PTPRD: variants seen among roughly 807,000 people sequenced by gnomAD.
The protein encoded by PTPRD is protein tyrosine phosphatase receptor type D.
In PTPRD, 34 loss-of-function variants were observed where a neutral mutation model predicts 214.5. The ratio of observed to expected loss-of-function variants is 0.16; its 90% confidence interval spans 0.12 to 0.21. The LOEUF (loss-of-function observed/expected upper bound fraction) is 0.21, where lower values mean the gene tolerates loss of function less well. Among genes scored for constraint, PTPRD ranks in the 10% least tolerant of loss-of-function variants. The probability of loss-of-function intolerance (pLI) is 1.00; values close to 1 mark genes in which losing one functional copy is unlikely to be tolerated. For synonymous variants in PTPRD, 1,128 were observed against 845.7 expected (o/e 1.33, Z -5.79); for missense variants, 2,545 against 2,398.7 (o/e 1.06, Z -1.27).
chr9:9,363,142 T>C (rs1002033417), intron 9 of PTPRD, among the ~76,000 whole-genome samples: 10 of 147,250 alleles, frequency 6.8e-5, no homozygotes, highest in African/African-American at 2.2e-4. Context: ...ACTGTACTTG[T>C]GGTCACATTA....
chr9:9,225,109 A>C (rs994625905), intron 9 of PTPRD, among the ~76,000 whole-genome samples: 1 of 152,040 alleles, frequency 6.6e-6, no homozygotes, highest in African/African-American at 2.4e-5. Flanking sequence ...GATTAATATA[A>C]TGAAACTTCT....
At chr9:10,221,725 C>G (rs2099571765) in intron 3 of PTPRD, among the ~76,000 whole-genome samples, 1 of 151,790 alleles carries the variant, frequency 6.6e-6, no homozygotes, top group South Asian at 2.1e-4. Context: ...TTGTTTCTCA[C>G]TTTTACAAAG....
intron 14 of PTPRD, among the ~76,000 whole-genome samples, chr9:8,592,214 G>C (rs376806232): frequency 1.3e-5 from 2 of 152,228 alleles, no homozygotes; most frequent in African/African-American, 4.8e-5. Flanking sequence ...CCTCCTTCTA[G>C]CTCTTCTTAA....
intron 4 of PTPRD, among the ~76,000 whole-genome samples, chr9:9,940,238 C>T (rs111604867): frequency 1.1e-4 from 17 of 152,076 alleles, no homozygotes; most frequent in African/African-American, 2.7e-4. Flanking sequence ...TCACAGGTAG[C>T]GTAAGATGGC....
chr9:8,352,221 G>C (rs186971606), intron 39 of PTPRD, among the ~76,000 whole-genome samples: 4 of 152,014 alleles, frequency 2.6e-5, no homozygotes, highest in African/African-American at 9.7e-5. Context: ...AAATTAGAAG[G>C]CTAATGTGTT....
At chr9:10,268,319 ACG>A (rs1305846536) in intron 3 of PTPRD, among the ~76,000 whole-genome samples, 70 of 141,012 alleles carry the variant, frequency 5.0e-4, no homozygotes, top group African/African-American at 1.6e-3. Flanking sequence ...AATAATAATA[ACG>A]ATAATAATAA....
chr9:9,381,163 C>A (rs2062107363), intron 9 of PTPRD, among the ~76,000 whole-genome samples: 1 of 151,910 alleles, frequency 6.6e-6, no homozygotes, highest in Non-Finnish European at 1.5e-5. Context: ...TTAATTTGTG[C>A]ACTTAGACCA....
chr9:9,121,227 A>T (rs2099817302), intron 10 of PTPRD, among the ~76,000 whole-genome samples: 2 of 152,202 alleles, frequency 1.3e-5, no homozygotes, highest in Non-Finnish European at 2.9e-5. Flanking sequence ...CCATTCTTGT[A>T]ATGTAAACTA....
chr9:8,514,258 G>C (rs1358585905), intron 21 of PTPRD, among the ~76,000 whole-genome samples: 1 of 152,034 alleles, frequency 6.6e-6, no homozygotes, highest in Non-Finnish European at 1.5e-5. Flanking sequence ...TTTTCATTTA[G>C]CATTCTAAAT....
chr9:9,838,339 G>A (rs1219955037), intron 5 of PTPRD, among the ~76,000 whole-genome samples: 1 of 151,830 alleles, frequency 6.6e-6, no homozygotes, highest in African/African-American at 2.4e-5. Context: ...CTGAGGAATC[G>A]CCACACTGAC....
chr9:10,260,431 A>T (rs1192570295), intron 3 of PTPRD, among the ~76,000 whole-genome samples: 1 of 152,194 alleles, frequency 6.6e-6, no homozygotes, highest in Non-Finnish European at 1.5e-5. Context: ...ACAGATACAG[A>T]GTTTCCCATA....
chr9:8,686,878 T>C (rs1326253183), intron 12 of PTPRD, among the ~76,000 whole-genome samples: 3 of 152,170 alleles, frequency 2.0e-5, no homozygotes, highest in Admixed American at 2.0e-4. Context: ...TTATATTCTC[T>C]CAAGTAAGAG....
intron 12 of PTPRD, among the ~76,000 whole-genome samples, chr9:8,680,607 T>G (rs957264956): frequency 1.3e-5 from 2 of 152,186 alleles, no homozygotes; most frequent in African/African-American, 4.8e-5. Context: ...ATCTATATAC[T>G]ATATATGATA....
intron 12 of PTPRD, among the ~76,000 whole-genome samples, chr9:8,707,506 CAA>C (rs1446389030): frequency 6.6e-6 from 1 of 152,190 alleles, no homozygotes; most frequent in Non-Finnish European, 1.5e-5. Flanking sequence ...GTTCTTGGGA[CAA>C]AGTGTTCCTT....
chr9:9,571,691 A>G (rs2086462441), intron 8 of PTPRD, among the ~76,000 whole-genome samples: 1 of 151,058 alleles, frequency 6.6e-6, no homozygotes, highest in African/African-American at 2.4e-5. Flanking sequence ...TAATTGTTGC[A>G]TGAAACTTAT....
intron 8 of PTPRD, among the ~76,000 whole-genome samples, chr9:9,409,795 T>C (rs1217230229): frequency 1.3e-5 from 2 of 152,154 alleles, no homozygotes; most frequent in African/African-American, 4.8e-5. Context: ...AGTATCTCAA[T>C]GATTTTAATC....
intron 5 of PTPRD, among the ~76,000 whole-genome samples, chr9:9,848,801 T>G (rs1323043864): frequency 6.6e-6 from 1 of 152,102 alleles, no homozygotes. Context: ...TTCCCTTTCT[T>G]GTAAGAAAAA....
intron 3 of PTPRD, among the ~76,000 whole-genome samples, chr9:10,271,595 T>A (rs1317530070): frequency 7.0e-6 from 1 of 142,408 alleles, no homozygotes; most frequent in Non-Finnish European, 1.5e-5. Context: ...CAGACCAGAG[T>A]GCGGTGGAAT....
intron 5 of PTPRD, among the ~76,000 whole-genome samples, chr9:9,932,189 C>T (rs986987710): frequency 6.6e-5 from 10 of 150,890 alleles, no homozygotes; most frequent in South Asian, 2.1e-4. Context: ...TCCAAAGGAA[C>T]GCAGTTCCTC....
Sources: allele counts gnomAD v4.1 joint callset (sites outside exome capture counted in the v4.1 genomes callset), GRCh38; gene constraint gnomAD v4.1.1; transcripts MANE v1.5; gene names NCBI Gene and HGNC (gene_info 2026-07-23, HGNC 2026-07-21).